The following ZNF10 variants were observed in gnomAD, a reference collection of about 807,000 sequenced individuals.
ZNF10 encodes the protein zinc finger protein 10, also known as zinc finger protein 10 (KOX 1).
ZNF10 carries 8 observed loss-of-function variants against 12.2 expected under a neutral mutation model. The observed-to-expected ratio is 0.66, with a 90% CI of 0.39 to 1.18. The LOEUF (loss-of-function observed/expected upper bound fraction) is 1.18. ZNF10 is among the 50% of genes most tolerant of loss of function. The probability of loss-of-function intolerance (pLI) is 0.01; values close to 1 mark genes in which losing one functional copy is unlikely to be tolerated. For synonymous variants in ZNF10, 229 were observed against 228.2 expected, an observed-to-expected ratio of 1.00 and a Z score of -0.03; for missense variants, 603 against 678.9, an observed-to-expected ratio of 0.89 and a Z score of 1.24.
At chr12:133,155,435 C>A in intron 4 of ZNF10, 68 bp from the exon 5 acceptor site, 1 of 1,472,928 alleles carries the variant, frequency 6.8e-7, no homozygotes, top group South Asian at 1.4e-5. Context: ...ACTTTGTCTC[C>A]ACATACATCC....
Position 133,151,803 on chromosome 12 carries a change from G to T in ZNF10, c.161-6G>T. Reference sequence around the variant, plus strand: ...TACCCTGTTCTTTGTCTTTCACTGTGAACAGGTTATCAGCTTACTAAGCCA... The same window carrying T: ...TACCCTGTTCTTTGTCTTTCACTGTTAACAGGTTATCAGCTTACTAAGCCA... On this transcript the variant is annotated splice_region_variant and splice_polypyrimidine_tract_variant and intron_variant, in intron 3 of 4. Transcript: ENST00000248211. The T allele has an allele frequency of 1.2e-6, 2 of 1,612,668 alleles. No individual in the cohort carries two copies. Among genetic ancestry groups the T allele is most frequent in the African/African-American group, 1.3e-5 (1 of 75,002 alleles).
intron 2 of ZNF10, among the ~76,000 whole-genome samples, chr12:133,145,817 C>T (rs1436775476): frequency 1.4e-5 from 2 of 142,408 alleles, no homozygotes; most frequent in Non-Finnish European, 3.1e-5. Flanking sequence ...CCCCCCACCC[C>T]CACAAAAAGA....
Position 133,156,300 on chromosome 12 carries a change from A to C in ZNF10, c.1054A>C (p.Asn352His), listed in dbSNP as rs1334137741. ...THTGDKLYTC[N>H]QCGKSFVHSS... ...TACAGGAGACAAACTGTACACATGT[A>C]ATCAGTGTGGGAAATCTTTTGTTCA... is the stretch of plus-strand genomic sequence containing the variant. The change falls in exon 5 of 5, where the codon AAT (asparagine) becomes CAT (histidine). Residue 352 changes from asparagine to histidine, a missense_variant. By Grantham distance (68) the Asn-to-His change is moderately conservative (BLOSUM62 1). Transcript: ENST00000248211. 1 of 1,614,006 alleles carries C rather than the reference A, an allele frequency of 6.2e-7. No individual in the cohort carries two copies. The highest frequency in any genetic ancestry group is 8.5e-7 in the Non-Finnish European group (1 of 1,179,998).
intron 1 of ZNF10, among the ~76,000 whole-genome samples, chr12:133,137,851 A>C (rs1422099869): frequency 6.6e-6 from 1 of 152,158 alleles, no homozygotes; most frequent in Non-Finnish European, 1.5e-5. Flanking sequence ...AAACAAACAA[A>C]ACTTCTCCCA....
At chr12:133,151,192 A>G (rs959433372) in intron 3 of ZNF10, 38 bp downstream of exon 3, 2 of 1,593,616 alleles carry the variant, frequency 1.3e-6, no homozygotes, top group Non-Finnish European at 8.6e-7. Context: ...TTGGTTCTCC[A>G]TTGATCAAAA....
intron 1 of ZNF10, among the ~76,000 whole-genome samples, chr12:133,134,144 CAAAAAAA>C (rs35470467): frequency 8.8e-5 from 6 of 68,048 alleles, no homozygotes; most frequent in South Asian, 5.0e-4. Flanking sequence ...ACTAAAAATA[CAAAAAAA>C]AAAAAAAAAA....
chr12:133,140,469 G>A (rs1955939000), intron 1 of ZNF10, among the ~76,000 whole-genome samples: 1 of 149,696 alleles, frequency 6.7e-6, no homozygotes, highest in African/African-American at 2.5e-5. Flanking sequence ...CCACGTGTCA[G>A]GCACCATTCT....
In ZNF10 at chr12:133,148,750, G is replaced by GTTTTTTTTTTTTTTTTTTTT. The variant is rs201972025; in HGVS notation, c.34-2278_34-2277insTTTTTTTTTTTTTTTTTTTT. 1.5e-5 allele frequency among the ~76,000 whole-genome samples: 2 copies of GTTTTTTTTTTTTTTTTTTTT among 137,408 alleles called. 1 individual carries two copies. 90.1% of individuals were successfully genotyped at this position (137,408 alleles called of 152,430 possible). On this transcript the variant is annotated intron_variant, in intron 2 of 4. Coordinates refer to ENST00000248211, the MANE Select transcript of ZNF10 (RefSeq NM_015394.5). Reference sequence around the variant, plus strand: ...AGGTTTCTAGGTTGTATTCAATGTTGGTTTTTTTTTTTTTTTTTTGAGTTG... The same window carrying GTTTTTTTTTTTTTTTTTTTT: ...AGGTTTCTAGGTTGTATTCAATGTTGTTTTTTTTTTTTTTTTTTTTGTTTTTTTTTTTTTTTTTTGAGTTG...
chr12:133,152,636 G>C (rs142459371), intron 4 of ZNF10, among the ~76,000 whole-genome samples: 3,101 of 152,222 alleles, frequency 0.02, 112 homozygotes, highest in African/African-American at 0.071. Context: ...GGCTGGTCTC[G>C]AACTCCTGAC....
intron 1 of ZNF10, among the ~76,000 whole-genome samples, chr12:133,136,431 A>T (rs1293646919): frequency 6.6e-6 from 1 of 152,132 alleles, no homozygotes; most frequent in Non-Finnish European, 1.5e-5. Flanking sequence ...TAATTTATCT[A>T]ACTCTATTTT....
chr12:133,130,639 G>GA lies in ZNF10; in HGVS notation c.-174dup, dbSNP rs1350687408. ...CCGAGCCGGCCTCAGACTCACCTCT[G>GA]ACGCCGCTCTTCGCGCTCCGCTGGT... On this transcript the variant is annotated 5_prime_UTR_variant, in exon 1 of 5. Transcript: ENST00000248211. 6.6e-6 allele frequency: 1 copy of GA among 152,346 alleles called. No homozygotes were observed. Among genetic ancestry groups the GA allele is most frequent in the Admixed American group, 6.5e-5 (1 of 15,288 alleles). The allele number at this position is 152,346 out of a possible 1,614,324, so 9.4% of individuals were successfully genotyped here.
intron 2 of ZNF10, among the ~76,000 whole-genome samples, chr12:133,148,218 C>T (rs1198488396): frequency 2.0e-5 from 3 of 151,758 alleles, no homozygotes; most frequent in African/African-American, 7.3e-5. Flanking sequence ...CCTCCAGCGT[C>T]GAAGCGATTC....
chr12:133,152,388 A>G (rs533033915), intron 4 of ZNF10, among the ~76,000 whole-genome samples: 1 of 152,224 alleles, frequency 6.6e-6, no homozygotes, highest in South Asian at 2.1e-4. Context: ...CTGCTCACAG[A>G]AACACCAGTT....
intron 3 of ZNF10, 32 bp downstream of exon 3, chr12:133,151,186 T>C (rs373017104): frequency 5.4e-5 from 87 of 1,598,650 alleles, no homozygotes; most frequent in Non-Finnish European, 7.1e-5. Flanking sequence ...AAGATTTTGG[T>C]TCTCCATTGA....
intron 1 of ZNF10, chr12:133,143,554 A>G (rs1410933316): frequency 1.6e-5 from 2 of 126,756 alleles, no homozygotes; most frequent in Non-Finnish European, 3.5e-5. Flanking sequence ...AGAGAAAGGA[A>G]ATGAAACCAA....
intron 1 of ZNF10, among the ~76,000 whole-genome samples, chr12:133,134,412 T>C (rs1480323311): frequency 1.3e-5 from 2 of 151,818 alleles, no homozygotes; most frequent in Non-Finnish European, 2.9e-5. Flanking sequence ...GCCTTGCAGG[T>C]GGAGGAAGGG....
At chr12:133,149,952 A>C (rs1334592537) in intron 2 of ZNF10, among the ~76,000 whole-genome samples, 1 of 152,082 alleles carries the variant, frequency 6.6e-6, no homozygotes, top group Admixed American at 6.5e-5. Context: ...CTTAGAGTTA[A>C]TTTTTACTAC....
chr12:133,134,750 G>C (rs948519158), intron 1 of ZNF10, among the ~76,000 whole-genome samples: 3 of 152,116 alleles, frequency 2.0e-5, no homozygotes, highest in African/African-American at 7.2e-5. Context: ...AATATTTTTT[G>C]TGACCACTCT....
chr12:133,134,172 G>C (rs1454689401), intron 1 of ZNF10, among the ~76,000 whole-genome samples: 1 of 151,380 alleles, frequency 6.6e-6, no homozygotes, highest in Non-Finnish European at 1.5e-5. Flanking sequence ...AATTAGCTGA[G>C]TGTGGTGGTG....
Sources: gnomAD v4.1 joint callset for allele counts (sites outside exome capture counted in the v4.1 genomes callset) on GRCh38, gnomAD v4.1.1 for gene constraint, MANE v1.5 for transcripts, NCBI Gene and HGNC (gene_info 2026-07-23, HGNC 2026-07-21) for gene names.